Variants in TDRD3 observed in about 807,000 individuals in gnomAD.
TDRD3 encodes tudor domain-containing protein 3.
In TDRD3, 45 loss-of-function variants were observed where a neutral mutation model predicts 86.7. That is an observed-to-expected ratio of 0.52 (90% CI 0.41 to 0.67). The LOEUF is 0.67. Ranked by LOEUF, TDRD3 falls within the 30% of genes least tolerant of loss-of-function variation. TDRD3 has a pLI of 0.00. For synonymous variants in TDRD3, 298 were observed against 301.7 expected (o/e 0.99, Z 0.13); for missense variants, 814 against 889.0 (o/e 0.92, Z 1.07).
Position 60,418,774 on chromosome 13 carries a change from C to T in TDRD3, c.42-20914C>T, listed in dbSNP as rs1003251194. On this transcript the variant is annotated intron_variant, in intron 1 of 13. Transcript: ENST00000377881. Reference sequence around the variant, plus strand: ...CCCACAGATAGTCTTTTTCTGACATCTGGCATCATGAATTCACTATCTTGT... The same window carrying T: ...CCCACAGATAGTCTTTTTCTGACATTTGGCATCATGAATTCACTATCTTGT... Among the ~76,000 whole-genome samples the T allele has an allele frequency of 4.6e-5, 7 of 152,302 alleles. No individual in the cohort carries two copies. In the East Asian group the frequency reaches 1.2e-3, roughly 25 times the overall value.
chr13:60,548,660 A>G (rs1251340047), intron 12 of TDRD3, among the ~76,000 whole-genome samples: 3 of 152,168 alleles, frequency 2.0e-5, no homozygotes, highest in Non-Finnish European at 4.4e-5. Context: ...ATTAGAGGAA[A>G]ATATGGTAGA....
intron 5 of TDRD3, among the ~76,000 whole-genome samples, chr13:60,477,131 T>A (rs1002016242): frequency 6.6e-6 from 1 of 151,940 alleles, no homozygotes; most frequent in Admixed American, 6.6e-5. Context: ...TTGTTTCAAT[T>A]ATCAAGGAGA....
At chr13:60,498,939 A>G (rs1053328540) in intron 8 of TDRD3, among the ~76,000 whole-genome samples, 2 of 152,170 alleles carry the variant, frequency 1.3e-5, no homozygotes, top group South Asian at 2.1e-4. Context: ...CAGTGGGTCC[A>G]GTGGGTACGC....
chr13:60,456,352 G>T (rs1422947892), intron 3 of TDRD3, among the ~76,000 whole-genome samples: 2 of 152,102 alleles, frequency 1.3e-5, no homozygotes, highest in African/African-American at 4.8e-5. Context: ...AGAGGTATTC[G>T]TCTACCTCAG....
At chr13:60,561,408 G>A (rs1485041758) in intron 12 of TDRD3, among the ~76,000 whole-genome samples, 1 of 152,132 alleles carries the variant, frequency 6.6e-6, no homozygotes, top group African/African-American at 2.4e-5. Context: ...AAAGGTTGAA[G>A]TAGGTTGGGT....
At position 60,557,820 on chromosome 13, in the gene TDRD3, A is replaced by ATTTTTTTTTTTTTTTTTTTTTTTTTTT. The variant is rs749028045; in HGVS notation, c.2119-9683_2119-9682insTTTTTTTTTTTTTTTTTTTTTTTTTTT. ...GGCATAAAGGATTTTTTTTTTCCTGATTTTTTTTTTTTTTTTTTTTTTGAG... is the reference window on the plus strand; with the variant it reads ...GGCATAAAGGATTTTTTTTTTCCTGATTTTTTTTTTTTTTTTTTTTTTTTTTTTTTTTTTTTTTTTTTTTTTTTTGAG... On this transcript the variant is annotated intron_variant, in intron 12 of 13. Coordinates refer to ENST00000377881, the MANE Select transcript of TDRD3 (RefSeq NM_001146070.2). Among the ~76,000 whole-genome samples the ATTTTTTTTTTTTTTTTTTTTTTTTTTT allele has an allele frequency of 3.4e-4, 30 of 88,282 alleles. 4 individuals are homozygous for ATTTTTTTTTTTTTTTTTTTTTTTTTTT. The highest frequency in any genetic ancestry group is 1.0e-3 in the South Asian group (2 of 1,932). 57.9% of individuals were successfully genotyped at this position (88,282 alleles called of 152,430 possible).
chr13:60,502,028 G>T (rs1214099638), intron 8 of TDRD3, among the ~76,000 whole-genome samples: 2 of 152,216 alleles, frequency 1.3e-5, no homozygotes, highest in Non-Finnish European at 2.9e-5. Context: ...ATAGTAGAGT[G>T]AGTATAGCAG....
chr13:60,420,185 A>T (rs1954620038), intron 1 of TDRD3, among the ~76,000 whole-genome samples: 1 of 152,070 alleles, frequency 6.6e-6, no homozygotes, highest in Non-Finnish European at 1.5e-5. Flanking sequence ...TTTACCTAAC[A>T]ACAACAACAA....
chr13:60,434,818 A>T (rs1362298802), intron 1 of TDRD3, among the ~76,000 whole-genome samples: 1 of 152,056 alleles, frequency 6.6e-6, no homozygotes, highest in Admixed American at 6.6e-5. Flanking sequence ...AATTGATGAT[A>T]ATTCTCTTCT....
chr13:60,470,764 GTA>G (rs756837141), intron 5 of TDRD3, among the ~76,000 whole-genome samples: 118 of 151,962 alleles, frequency 7.8e-4, no homozygotes, highest in Middle Eastern at 3.4e-3. Context: ...TGTATTTTTA[GTA>G]GAGACGGGGT....
chr13:60,435,717 G>C (rs1294759386), intron 1 of TDRD3, among the ~76,000 whole-genome samples: 1 of 152,150 alleles, frequency 6.6e-6, no homozygotes, highest in Non-Finnish European at 1.5e-5. Context: ...CTGGCAAATT[G>C]TGCTACAGTA....
At chr13:60,516,309 A>G (rs80131881) in intron 10 of TDRD3, among the ~76,000 whole-genome samples, 7 of 152,158 alleles carry the variant, frequency 4.6e-5, no homozygotes. Flanking sequence ...GGCTGGTTGG[A>G]AAAAAATATA....
rs1162896897 is a variant in TDRD3 at position 60,528,897 on chromosome 13, G to A, written c.1672G>A (p.Ala558Thr). Reference protein sequence around the residue: ...DRKSQTINNEAFSGIKIEKHF... With the variant: ...DRKSQTINNETFSGIKIEKHF... ...GAAATCACAAACAATAAATAATGAA[G>A]CTTTCAGTGGTATAAAAATTGAAAA... Residue 558 changes from alanine to threonine, a missense_variant, in exon 11 of 14, where the codon GCT becomes ACT. By Grantham distance (58) the Ala-to-Thr change is moderately conservative. Transcript: ENST00000377881. 6.2e-7 allele frequency: 1 copy of A among 1,612,306 alleles called. No homozygotes were observed. Among genetic ancestry groups the A allele is most frequent in the East Asian group, 2.2e-5 (1 of 44,852 alleles).
In TDRD3 at chr13:60,554,375, T is replaced by C. The variant is rs1221427099; in HGVS notation, c.2119-13150T>C. Among the ~76,000 whole-genome samples the C allele has an allele frequency of 3.9e-5, 6 of 152,216 alleles. No individual in the cohort carries two copies. The East Asian group carries it at 9.6e-4, about 24-fold the overall frequency. ...GTTAGAATAACTTGAACTTTCCTAG[T>C]CTTTTTTATTTCTCTTTGAGCCTTA... is the stretch of plus-strand genomic sequence containing the variant. On this transcript the variant is annotated intron_variant, in intron 12 of 13. Coordinates refer to ENST00000377881, the MANE Select transcript of TDRD3 (RefSeq NM_001146070.2).
chr13:60,464,328 A>G (rs541532922), intron 4 of TDRD3, among the ~76,000 whole-genome samples: 6 of 152,326 alleles, frequency 3.9e-5, no homozygotes, highest in African/African-American at 1.4e-4. Flanking sequence ...TGCAACCACC[A>G]TGGAAAACGG....
chr13:60,522,763 A>G (rs1273844151), intron 10 of TDRD3, among the ~76,000 whole-genome samples: 6 of 152,340 alleles, frequency 3.9e-5, no homozygotes, highest in African/African-American at 1.2e-4. Context: ...CTAGCGTCCA[A>G]ATGTATTTTT....
chr13:60,560,595 A>G (rs1958311120), intron 12 of TDRD3, among the ~76,000 whole-genome samples: 1 of 151,976 alleles, frequency 6.6e-6, no homozygotes, highest in Non-Finnish European at 1.5e-5. Flanking sequence ...ATAGTACTGT[A>G]TTTGCTTCTA....
intron 6 of TDRD3, among the ~76,000 whole-genome samples, 181 bp downstream of exon 6, chr13:60,484,027 C>T (rs138947185): frequency 6.6e-6 from 1 of 151,926 alleles, no homozygotes; most frequent in East Asian, 1.9e-4. Flanking sequence ...ATATTGTTGA[C>T]GTTTGCGAGA....
At chr13:60,444,776 T>A in intron 3 of TDRD3, 28 bp downstream of exon 3, 1 of 1,263,310 alleles carries the variant, frequency 7.9e-7, no homozygotes, top group Non-Finnish European at 1.1e-6. Flanking sequence ...CTTCTTACAT[T>A]AATTAATTTA....
Sources: allele counts gnomAD v4.1 joint callset (sites outside exome capture counted in the v4.1 genomes callset), GRCh38; gene constraint gnomAD v4.1.1; transcripts MANE v1.5; gene names NCBI Gene and HGNC (gene_info 2026-07-23, HGNC 2026-07-21).